UBAC2: variants seen among roughly 807,000 people sequenced by gnomAD.
The protein encoded by UBAC2 is ubiquitin-associated domain-containing protein 2.
A neutral mutation model predicts 44.0 loss-of-function variants in UBAC2; 26 were observed. That is an observed-to-expected ratio of 0.59 (90% CI 0.43 to 0.82). The LOEUF is 0.82. Among genes scored for constraint, UBAC2 ranks in the 40% least tolerant of loss-of-function variants. The pLI is 0.00. For missense variants in UBAC2, 329 were observed against 419.4 expected (o/e 0.78, Z 1.88); for synonymous variants, 155 against 154.3 (o/e 1.00, Z -0.04).
At chr13:99,330,383 T>A (rs2044698336) in intron 6 of UBAC2, among the ~76,000 whole-genome samples, 1 of 139,116 alleles carries the variant, frequency 7.2e-6, no homozygotes, top group Non-Finnish European at 1.5e-5. Flanking sequence ...CGCTTGAACC[T>A]GGGACGCCGA....
At chr13:99,232,405 G>GATATATATATATATATAT (rs145868043) in intron 1 of UBAC2, among the ~76,000 whole-genome samples, 1 of 117,862 alleles carries the variant, frequency 8.5e-6, no homozygotes, top group East Asian at 2.8e-4. Context: ...GAGAGATATA[G>GATATATATATATATATAT]ATATATATAT....
chr13:99,375,590 AC>A lies in UBAC2; in HGVS notation c.927+7685del, dbSNP rs146534122. On this transcript the variant is annotated intron_variant, in intron 8 of 8. Transcript: ENST00000403766. ...TATGGGAAGTAAAAACCCAAAAAAAACATTTGTTTTTGACGCACTTAGCTAA... is the reference window on the plus strand; with the variant it reads ...TATGGGAAGTAAAAACCCAAAAAAAAATTTGTTTTTGACGCACTTAGCTAA... 2.6e-3 allele frequency among the ~76,000 whole-genome samples: 395 copies of A among 152,318 alleles called. 10 individuals carry two copies. In the East Asian group the frequency reaches 0.069, roughly 27 times the overall value.
At chr13:99,314,034 T>C (rs997080492) in intron 4 of UBAC2, 63 bp from the exon 5 acceptor site, 42 of 1,493,634 alleles carry the variant, frequency 2.8e-5, no homozygotes, top group Non-Finnish European at 3.5e-5. Context: ...ACTTCAAAGA[T>C]ACATCTGCCA....
intron 5 of UBAC2, 140 bp downstream of exon 5, chr13:99,314,360 G>A (rs916049713): frequency 3.0e-6 from 3 of 994,422 alleles, no homozygotes; most frequent in East Asian, 2.6e-5. Flanking sequence ...TATATCAAAT[G>A]TTTAAAGGAA....
At chr13:99,309,297 G>C (rs1205398570) in intron 4 of UBAC2, among the ~76,000 whole-genome samples, 1 of 151,976 alleles carries the variant, frequency 6.6e-6, no homozygotes, top group African/African-American at 2.4e-5. Context: ...TTTTAGTAGA[G>C]ACAAGGTTTC....
At chr13:99,368,117 G>T (rs1201416184) in intron 8 of UBAC2, among the ~76,000 whole-genome samples, 1 of 152,054 alleles carries the variant, frequency 6.6e-6, no homozygotes, top group African/African-American at 2.4e-5. Context: ...GGGGGCGGCG[G>T]GTGGGAATGT....
At chr13:99,203,448 CA>C (rs1291752285) in intron 1 of UBAC2, among the ~76,000 whole-genome samples, 1 of 152,220 alleles carries the variant, frequency 6.6e-6, no homozygotes. Flanking sequence ...TGGTGAATAA[CA>C]GTCCCTTTCC....
In UBAC2 at chr13:99,255,294, T is replaced by A. The variant is rs533174058; in HGVS notation, c.389+10670T>A. The A allele has an allele frequency of 5.6e-5, 91 of 1,613,870 alleles. 1 individual carries two copies. In the South Asian group the frequency reaches 9.6e-4, roughly 17 times the overall value. The stretch of plus-strand genomic sequence containing the variant: ...TGAACAAAGGAATCAAGAAAAAAAA[T>A]GTCAGTCGAGTGAGGTTCAGCACGT... On this transcript the variant is annotated intron_variant, in intron 4 of 8. Coordinates refer to ENST00000403766, the MANE Select transcript of UBAC2 (RefSeq NM_001144072.2).
intron 3 of UBAC2, 101 bp from the exon 4 acceptor site, chr13:99,244,404 CACACACACAT>C: frequency 7.2e-6 from 5 of 696,972 alleles, no homozygotes; most frequent in Non-Finnish European, 1.3e-5. Flanking sequence ...TGTATATACA[CACACACACAT>C]ACATATGAAT....
intron 4 of UBAC2, among the ~76,000 whole-genome samples, chr13:99,273,887 C>G (rs1284480671): frequency 7.4e-6 from 1 of 134,966 alleles, no homozygotes; most frequent in Non-Finnish European, 1.6e-5. Flanking sequence ...TTCCTGCTTT[C>G]TTTCTCTGTG....
intron 6 of UBAC2, among the ~76,000 whole-genome samples, chr13:99,325,084 TTAGTGTC>T (rs1282245881): frequency 2.0e-5 from 3 of 150,406 alleles, no homozygotes; most frequent in Non-Finnish European, 4.4e-5. Context: ...TAGCATAACT[TTAGTGTC>T]TATGCTCTTT....
intron 8 of UBAC2, among the ~76,000 whole-genome samples, chr13:99,379,303 C>T (rs189253472): frequency 7.9e-5 from 12 of 152,324 alleles, no homozygotes; most frequent in African/African-American, 2.9e-4. Context: ...CTTTCTGGAG[C>T]AATAAAACCA....
intron 7 of UBAC2, among the ~76,000 whole-genome samples, chr13:99,350,488 T>G (rs2045067196): frequency 6.6e-6 from 1 of 152,180 alleles, no homozygotes; most frequent in African/African-American, 2.4e-5. Flanking sequence ...ATAATGAAGC[T>G]TCCATAAAAC....
chr13:99,253,361 C>T (rs2043484318), intron 4 of UBAC2, among the ~76,000 whole-genome samples: 1 of 152,062 alleles, frequency 6.6e-6, no homozygotes, highest in African/African-American at 2.4e-5. Context: ...ATAACCTCTT[C>T]AGACCTCAGT....
chr13:99,317,482 C>T (rs901707707), intron 5 of UBAC2, among the ~76,000 whole-genome samples: 5 of 152,164 alleles, frequency 3.3e-5, no homozygotes, highest in African/African-American at 9.7e-5. Flanking sequence ...TTAGTTTGCT[C>T]TTCCTTGGGT....
At chr13:99,324,142 C>CA (rs1263028170) in intron 6 of UBAC2, among the ~76,000 whole-genome samples, 1 of 152,178 alleles carries the variant, frequency 6.6e-6, no homozygotes, top group Non-Finnish European at 1.5e-5. Context: ...CTTTAACAAA[C>CA]ACACAGCACT....
rs984749475 is a variant in UBAC2, at chr13:99,385,669, G to A, written c.*334G>A. On this transcript the variant is annotated 3_prime_UTR_variant, in exon 9 of 9. Transcript: ENST00000403766. ...ATGGCACTCCAGATGGGGAATTGCT[G>A]TAACCCTCTTACTGTAACATGTCAT... 1.1e-5 allele frequency: 3 copies of A among 283,726 alleles called. No homozygotes were observed. The East Asian group carries it at 2.1e-4, about 20-fold the overall frequency. The allele number at this position is 283,726 out of a possible 1,614,324, so 17.6% of individuals were successfully genotyped here.
At chr13:99,347,441 G>T (rs1010012803) in intron 7 of UBAC2, among the ~76,000 whole-genome samples, 1 of 151,516 alleles carries the variant, frequency 6.6e-6, no homozygotes. Context: ...GATGAGAAGC[G>T]CTGCATGAGC....
chr13:99,243,929 G>A lies in UBAC2; in HGVS notation c.257G>A (p.Arg86Lys). 1.3e-6 allele frequency: 2 copies of A among 1,542,086 alleles called. No individual in the cohort carries two copies. The highest frequency in any genetic ancestry group is 1.7e-6 in the Non-Finnish European group (2 of 1,144,820). Residue 86 changes from arginine to lysine, a missense_variant, in exon 3 of 9, where the codon AGA (arginine) becomes AAA (lysine). Physicochemically the swap from Arg to Lys is conservative, Grantham distance 26. Coordinates refer to ENST00000403766, the MANE Select transcript of UBAC2 (RefSeq NM_001144072.2). ...LIYNFRIFER[R>K]YGSRKFASFL... ...TATAATTTTAGGATATTTGAAAGAA[G>A]ATATGGAAGCAGAAAATTTGCAGTA...
Sources: gnomAD v4.1 joint callset for allele counts (sites outside exome capture counted in the v4.1 genomes callset) on GRCh38, gnomAD v4.1.1 for gene constraint, MANE v1.5 for transcripts, NCBI Gene and HGNC (gene_info 2026-07-23, HGNC 2026-07-21) for gene names.